The following FAM120C variants were observed in gnomAD, a reference collection of about 807,000 sequenced individuals.
FAM120C encodes the protein constitutive coactivator of PPAR-gamma-like protein 2.
In FAM120C, 14 loss-of-function variants were observed where a neutral mutation model predicts 71.2. That is an observed-to-expected ratio of 0.20 (90% CI 0.13 to 0.31). The LOEUF (loss-of-function observed/expected upper bound fraction) is 0.31, where lower values mean the gene tolerates loss of function less well. Ranked by LOEUF, FAM120C falls within the 10% of genes least tolerant of loss-of-function variation. The pLI is 1.00. For synonymous variants in FAM120C, 354 were observed against 353.2 expected (o/e 1.00, Z -0.03); for missense variants, 500 against 879.0 (o/e 0.57, Z 5.45).
chrX:54,105,528 T>C (rs1243635886), intron 10 of FAM120C, among the ~76,000 whole-genome samples: 2 of 111,883 alleles, frequency 1.8e-5, no homozygotes, highest in Non-Finnish European at 1.9e-5. Flanking sequence ...TCACCATTCC[T>C]ATTCAACATA....
chrX:54,072,598 C>G lies in FAM120C; in HGVS notation c.*435G>C, dbSNP rs1206870921. ...AAAAACAAAAAAAAACCTCAGGAGG[C>G]CACAGCTGTCCCCACAACCTCATAG... is the stretch of plus-strand genomic sequence containing the variant. On this transcript the variant is annotated 3_prime_UTR_variant, in exon 16 of 16. Coordinates refer to ENST00000375180, the MANE Select transcript of FAM120C (RefSeq NM_017848.6). The G allele has an allele frequency of 9.0e-6, 1 of 110,985 alleles. No individual in the cohort carries two copies. The highest frequency in any genetic ancestry group is 3.3e-5 in the African/African-American group (1 of 29,935). 9.1% of individuals were successfully genotyped at this position (110,985 alleles called of 1,213,427 possible). A position where few individuals can be genotyped will look rare whatever the true frequency, so the allele number is the denominator to read the frequency against.
At chrX:54,087,714 G>A in intron 12 of FAM120C, 41 bp downstream of exon 12, 1 of 1,153,902 alleles carries the variant, frequency 8.7e-7, no homozygotes, top group Non-Finnish European at 1.2e-6. Flanking sequence ...CACTCCCACA[G>A]GAGATCAGAG....
chrX:54,126,328 C>T (rs1557127968), intron 9 of FAM120C, among the ~76,000 whole-genome samples: 1 of 112,293 alleles, frequency 8.9e-6, no homozygotes, highest in Admixed American at 9.5e-5. Flanking sequence ...TACAGTTGAT[C>T]CTTGAACACA....
intron 10 of FAM120C, among the ~76,000 whole-genome samples, chrX:54,105,698 C>A (rs1269691849): frequency 1.8e-5 from 2 of 112,065 alleles, no homozygotes; most frequent in Non-Finnish European, 3.8e-5. Context: ...AGCTGATAAG[C>A]AACTTCAGCA....
At chrX:54,079,272 A>G (rs1301779543) in intron 15 of FAM120C, among the ~76,000 whole-genome samples, 2 of 108,502 alleles carry the variant, frequency 1.8e-5, no homozygotes, top group Non-Finnish European at 3.8e-5. Context: ...AAAAAAAAAA[A>G]AAAAAGAAAA....
At chrX:54,105,176 C>T (rs781958007) in intron 10 of FAM120C, among the ~76,000 whole-genome samples, 34 of 111,666 alleles carry the variant, frequency 3.0e-4, no homozygotes, top group Middle Eastern at 4.6e-3. Flanking sequence ...ACTGGCAAAC[C>T]GAATCCAGCA....
intron 10 of FAM120C, among the ~76,000 whole-genome samples, chrX:54,098,435 C>T (rs966911523): frequency 2.7e-5 from 3 of 111,187 alleles, no homozygotes; most frequent in African/African-American, 6.5e-5. Context: ...ATGAGGGTTC[C>T]GATTTCTCCA....
intron 10 of FAM120C, among the ~76,000 whole-genome samples, chrX:54,115,879 C>G (rs1603355606): frequency 9.0e-6 from 1 of 111,199 alleles, no homozygotes; most frequent in Middle Eastern, 4.6e-3. Flanking sequence ...GAGGTCAGTT[C>G]GAGATCAGCC....
chrX:54,077,939 CTTTTT>C (rs1194855968), intron 15 of FAM120C, among the ~76,000 whole-genome samples: 2 of 55,312 alleles, frequency 3.6e-5, no homozygotes, highest in East Asian at 1.8e-3. Flanking sequence ...AAGATCTACT[CTTTTT>C]TTTTTTTTTT....
rs1411966637 is a variant in FAM120C, at chrX:54,118,231, A to G, written c.2063-1437T>C. Among the ~76,000 whole-genome samples the G allele has an allele frequency of 7.2e-5, 8 of 110,530 alleles. No individual in the cohort carries two copies. In the East Asian group the frequency reaches 2.0e-3, roughly 27 times the overall value. On this transcript the variant is annotated intron_variant, in intron 9 of 15. Transcript: ENST00000375180. ...AGAGTGAAACTCCATCTAAAAAAAA[A>G]AAAAAAGAACCTGGCATTTTCACTC...
chrX:54,175,509 A>G (rs1416942522), intron 1 of FAM120C, among the ~76,000 whole-genome samples: 1 of 107,744 alleles, frequency 9.3e-6, no homozygotes, highest in Non-Finnish European at 1.9e-5. Flanking sequence ...GATATTTTAT[A>G]CTTTTTTTTT....
Position 54,136,547 on chromosome X carries a change from T to G in FAM120C, c.1202A>C (p.Glu401Ala). ...DKIERFKKAVEYYSVTTKLSS... is the reference protein window; with the variant it reads ...DKIERFKKAVAYYSVTTKLSS... ...GAGTTTGGTTGTGACTGAATAATACTCAACTGCTTTCTTGAATCGCTCTAT... is the reference window on the plus strand; with the variant it reads ...GAGTTTGGTTGTGACTGAATAATACGCAACTGCTTTCTTGAATCGCTCTAT... Residue 401 changes from glutamate (E) to alanine (A), a missense_variant, in exon 5 of 16, where the codon GAG (glutamate) becomes GCG (alanine). Physicochemically the swap from Glu to Ala is moderately radical, Grantham distance 107. This residue lies in a region of FAM120C where 55 missense variants were observed against 96.7 expected (regional missense o/e 0.57). Coordinates refer to ENST00000375180, the MANE Select transcript of FAM120C (RefSeq NM_017848.6). 1 of 1,209,896 alleles carries G rather than the reference T, an allele frequency of 8.3e-7. No homozygotes were observed. Among genetic ancestry groups the G allele is most frequent in the Non-Finnish European group, 1.1e-6 (1 of 894,018 alleles).
At chrX:54,114,212 T>TCCCC (rs2066954790) in intron 10 of FAM120C, among the ~76,000 whole-genome samples, 1 of 110,718 alleles carries the variant, frequency 9.0e-6, no homozygotes. Flanking sequence ...GGGAGGTAAA[T>TCCCC]AATGTGTGCA....
intron 1 of FAM120C, among the ~76,000 whole-genome samples, chrX:54,163,470 A>G (rs2146639717): frequency 8.9e-6 from 1 of 112,157 alleles, no homozygotes; most frequent in Admixed American, 9.5e-5. Context: ...CAGAATAGGC[A>G]AATCCAAAGA....
chrX:54,156,802 G>T (rs1482936159), intron 3 of FAM120C, among the ~76,000 whole-genome samples: 1 of 104,921 alleles, frequency 9.5e-6, no homozygotes, highest in Admixed American at 1.1e-4. Context: ...CAGGAGAATT[G>T]CCTGAACCTG....
intron 1 of FAM120C, among the ~76,000 whole-genome samples, chrX:54,170,422 C>T (rs912166566): frequency 3.6e-5 from 4 of 111,674 alleles, no homozygotes; most frequent in African/African-American, 9.8e-5. Flanking sequence ...CGTGAGCTAC[C>T]GTGCCCGGCC....
intron 13 of FAM120C, among the ~76,000 whole-genome samples, chrX:54,083,433 C>CCACACACACA (rs781964795): frequency 0.034 from 2,685 of 78,879 alleles, 64 homozygotes; most frequent in African/African-American, 0.04. Context: ...GACCCCATCT[C>CCACACACACA]CACACACACA....
At chrX:54,111,483 TAC>T (rs1338408843) in intron 10 of FAM120C, among the ~76,000 whole-genome samples, 1 of 109,310 alleles carries the variant, frequency 9.1e-6, no homozygotes, top group African/African-American at 3.3e-5. Flanking sequence ...AGCATTTCTA[TAC>T]ACCAATAATG....
intron 3 of FAM120C, among the ~76,000 whole-genome samples, chrX:54,156,838 G>C (rs1017895215): frequency 1.0e-5 from 1 of 96,404 alleles, no homozygotes; most frequent in Non-Finnish European, 2.0e-5. Flanking sequence ...AGTGAGCTGA[G>C]ATTGCAACAC....
Sources: allele counts gnomAD v4.1 joint callset (sites outside exome capture counted in the v4.1 genomes callset), GRCh38; gene constraint gnomAD v4.1.1; regional missense constraint gnomAD v4.1.1; transcripts MANE v1.5; gene names NCBI Gene and HGNC (gene_info 2026-07-23, HGNC 2026-07-21).